MYBPC3: variants seen among roughly 807,000 people sequenced by gnomAD.
The protein encoded by MYBPC3 is myosin binding protein C3, also known as myosin-binding protein C, cardiac-type.
In MYBPC3, 108 loss-of-function variants were observed where a neutral mutation model predicts 159.3. The observed-to-expected ratio is 0.68, with a 90% CI of 0.58 to 0.80. The LOEUF (loss-of-function observed/expected upper bound fraction) is 0.80. Ranked by LOEUF, MYBPC3 falls within the 30% of genes least tolerant of loss-of-function variation. MYBPC3 has a pLI of 0.00. For synonymous variants in MYBPC3, 730 were observed against 702.0 expected (o/e 1.04, Z -0.63); for missense variants, 1,631 against 1,762.1 (o/e 0.93, Z 1.33).
Position 47,347,634 on chromosome 11 carries a change from G to A in MYBPC3, c.851+17C>T. 6.4e-7 allele frequency: 1 copy of A among 1,572,564 alleles called. No individual in the cohort carries two copies. The highest frequency in any genetic ancestry group is 8.6e-7 in the Non-Finnish European group (1 of 1,158,856). On this transcript the variant is annotated intron_variant, in intron 8 of 34. Coordinates refer to ENST00000545968, the MANE Select transcript of MYBPC3 (RefSeq NM_000256.3). The stretch of plus-strand genomic sequence containing the variant: ...GGGGTCTGCGGATGGTGCAGGTAGG[G>A]CCTGGGGCAGGGGTACCTGATCCGC...
At chr11:47,339,513 C>T in intron 21 of MYBPC3, 109 bp from the exon 22 acceptor site, 1 of 1,497,308 alleles carries the variant, frequency 6.7e-7, no homozygotes, top group Non-Finnish European at 9.1e-7. Flanking sequence ...CCTTGCCTGC[C>T]CCCTGACCAG....
In MYBPC3 at chr11:47,331,676, TCCCTCCAGG is replaced by T. The variant is rs1408142254; in HGVS notation, c.*58_*66del. On this transcript the variant is annotated 3_prime_UTR_variant, in exon 35 of 35. Transcript: ENST00000545968. The stretch of plus-strand genomic sequence containing the variant: ...ACAGTAGGGAGGGGTTTCCCCAACT[TCCCTCCAGG>T]CTCCTGGCACGGGGCTGGCATCCGG... 1.5e-6 allele frequency: 1 copy of T among 683,096 alleles called. No individual in the cohort carries two copies. The highest frequency in any genetic ancestry group is 2.4e-6 in the Non-Finnish European group (1 of 415,764). The allele number at this position is 683,096 out of a possible 1,614,324, so 42.3% of individuals were successfully genotyped here. A position where few individuals can be genotyped will look rare whatever the true frequency, so the allele number is the denominator to read the frequency against.
At position 47,347,997 on chromosome 11, in the gene MYBPC3, G is replaced by C. The variant is rs1361295040; in HGVS notation, c.773-92C>G. 9 of 1,250,012 alleles carry C rather than the reference G, an allele frequency of 7.2e-6. No individual in the cohort carries two copies. The Admixed American group carries it at 8.0e-5, about 11-fold the overall frequency. The allele number at this position is 1,250,012 out of a possible 1,614,324, so 77.4% of individuals were successfully genotyped here. On this transcript the variant is annotated intron_variant, in intron 6 of 34. Transcript: ENST00000545968. The stretch of plus-strand genomic sequence containing the variant: ...TGGGGGCGGCCTCTGAGTATTCACA[G>C]ACTTGCCCATTCATGACCCCATGAG...
Position 47,346,760 on chromosome 11 carries a change from C to T in MYBPC3, c.909-116G>A. 1.9e-5 allele frequency: 21 copies of T among 1,133,974 alleles called. No individual in the cohort carries two copies. The highest frequency in any genetic ancestry group is 2.5e-5 in the Non-Finnish European group (20 of 799,414). 70.2% of individuals were successfully genotyped at this position (1,133,974 alleles called of 1,614,324 possible). ...CTTTACTTCCTCCCTATTTTCCGCA[C>T]TTGCACTCCCTGTGTTGTGGGGCAC... On this transcript the variant is annotated intron_variant, in intron 10 of 34. Coordinates refer to ENST00000545968, the MANE Select transcript of MYBPC3 (RefSeq NM_000256.3). This position sits in a 1 kb window ranked among gnomAD's most constrained non-coding sequence, Gnocchi z 5.3.
rs2142859053 is a variant in MYBPC3 at position 47,341,002 on chromosome 11, C to A, written c.1927+1G>T. On this transcript the variant is annotated splice_donor_variant, in intron 20 of 34. Transcript: ENST00000545968. LOFTEE classifies it high-confidence loss of function. ...CAAGACTCAGGGGCCCCAAGACTTACCCTGCCTGGGTACGAAGTCAATCTT... is the reference window on the plus strand; with the variant it reads ...CAAGACTCAGGGGCCCCAAGACTTAACCTGCCTGGGTACGAAGTCAATCTT... The A allele has an allele frequency of 6.4e-7, 1 of 1,565,034 alleles. No individual in the cohort carries two copies. The highest frequency in any genetic ancestry group is 8.6e-7 in the Non-Finnish European group (1 of 1,156,104).
At position 47,346,942 on chromosome 11, in the gene MYBPC3, C is replaced by T; in HGVS notation, c.908+85G>A. On this transcript the variant is annotated intron_variant, in intron 10 of 34. Transcript: ENST00000545968. The surrounding 1 kb of genome is among the most constrained non-coding windows in gnomAD (Gnocchi z 5.3). ...CCGCACCCTGCTCTGAGTCTCTCAC[C>T]ACAGCCTCTCAGAGAGGGGACGGGA... The T allele has an allele frequency of 1.3e-6, 1 of 765,038 alleles. No individual in the cohort carries two copies. Among genetic ancestry groups the T allele is most frequent in the South Asian group, 1.4e-5 (1 of 73,882 alleles). The allele number at this position is 765,038 out of a possible 1,614,324, so 47.4% of individuals were successfully genotyped here.
chr11:47,342,290 G>T, intron 17 of MYBPC3, 134 bp from the exon 18 acceptor site: 1 of 1,168,250 alleles, frequency 8.6e-7, no homozygotes. Context: ...AAACACGTGT[G>T]CCTGTGTGTG....
In MYBPC3 at chr11:47,335,930, C is replaced by A. The variant is rs372628478; in HGVS notation, c.2684G>T (p.Arg895Leu). Residue 895 changes from arginine (R) to leucine (L), a missense_variant, in exon 26 of 35, where the codon CGC becomes CTC. Transcript: ENST00000545968. The part of the protein sequence containing the change: ...TVSLKWRPPE[R>L]VGAGGLDGYS... ...GCCATCCAGGCCTCCTGCTCCCACG[C>A]GCTCTGGGGGCCGCCACTTGAGGGA... 2.6e-6 allele frequency: 4 copies of A among 1,556,136 alleles called. No homozygotes were observed. Among genetic ancestry groups the A allele is most frequent in the African/African-American group, 2.7e-5 (2 of 72,892 alleles).
At chr11:47,331,999 G>A (rs1248463893) in intron 33 of MYBPC3, 73 bp downstream of exon 33, 5 of 1,594,788 alleles carry the variant, frequency 3.1e-6, no homozygotes, top group African/African-American at 1.3e-5. Context: ...CGAGGACAAC[G>A]GAGCAAAGCC....
rs984405840 is a variant in MYBPC3 at position 47,338,109 on chromosome 11, A to G, written c.2309-315T>C. Among the ~76,000 whole-genome samples, 1 of 149,248 alleles carries G rather than the reference A, an allele frequency of 6.7e-6. No homozygotes were observed. Among genetic ancestry groups the G allele is most frequent in the African/African-American group, 2.5e-5 (1 of 40,502 alleles). Reference sequence around the variant, plus strand: ...CCCTGTCCTGGCTCTGATCCTCCCAACCCCACCCAGTCCTCTCCTGACATG... The same window carrying G: ...CCCTGTCCTGGCTCTGATCCTCCCAGCCCCACCCAGTCCTCTCCTGACATG... On this transcript the variant is annotated intron_variant, in intron 23 of 34. Transcript: ENST00000545968. The surrounding 1 kb of genome is among the most constrained non-coding windows in gnomAD (Gnocchi z 4.7).
intron 26 of MYBPC3, chr11:47,335,499 G>T (rs1333948850): frequency 3.4e-6 from 1 of 292,900 alleles, no homozygotes. Context: ...GGCTAATTTT[G>T]TATTTTTAGT....
At chr11:47,333,398 C>A in intron 29 of MYBPC3, 65 bp from the exon 30 acceptor site, 1 of 1,501,438 alleles carries the variant, frequency 6.7e-7, no homozygotes, top group Non-Finnish European at 8.9e-7. Flanking sequence ...TCACTGGCTC[C>A]AGGGACCACC....
intron 28 of MYBPC3, 80 bp downstream of exon 28, chr11:47,333,842 C>T: frequency 6.5e-7 from 1 of 1,549,958 alleles, no homozygotes. Context: ...CAGGCCAGCC[C>T]TGAGACATCA....
At chr11:47,348,877 C>T (rs568556965) in intron 5 of MYBPC3, among the ~76,000 whole-genome samples, 1 of 72,980 alleles carries the variant, frequency 1.4e-5, no homozygotes, top group East Asian at 4.0e-4. Context: ...TGCACTCCAG[C>T]CTGAGCGACA....
rs746267533 is a variant in MYBPC3, at chr11:47,346,225, C to A, written c.1072G>T (p.Asp358Tyr). Residue 358 changes from aspartate (D) to tyrosine (Y), a missense_variant, in exon 12 of 35, where the codon GAT (aspartate) becomes TAT (tyrosine). Coordinates refer to ENST00000545968, the MANE Select transcript of MYBPC3 (RefSeq NM_000256.3). This position sits in a 1 kb window ranked among gnomAD's most constrained non-coding sequence, Gnocchi z 5.3. ...GGCTAACCTGTGCTCTTCTTCTCAT[C>A]GCGCCTCATGCCCTTGAGCCTCTTT... ...MLKRLKGMRR[D>Y]EKKSTAFQKK... is the part of the protein sequence containing the mutation. 1.9e-6 allele frequency: 3 copies of A among 1,613,802 alleles called. No individual in the cohort carries two copies. The highest frequency in any genetic ancestry group is 2.7e-5 in the African/African-American group (2 of 74,910).
In MYBPC3 at chr11:47,351,548, G is replaced by T. The variant is rs373642449; in HGVS notation, c.26-43C>A. 1.3e-6 allele frequency: 2 copies of T among 1,529,234 alleles called. No homozygotes were observed. Among genetic ancestry groups the T allele is most frequent in the Non-Finnish European group, 1.8e-6 (2 of 1,134,416 alleles). The allele number at this position is 1,529,234 out of a possible 1,614,324, so 94.7% of individuals were successfully genotyped here. A position where few individuals can be genotyped will look rare whatever the true frequency, so the allele number is the denominator to read the frequency against. ...GGCTACAGCGGCCCCTGGTTGGAGC[G>T]TGCACCCCGCCCCTGCAGCCCCTCT... On this transcript the variant is annotated intron_variant, in intron 1 of 34. Coordinates refer to ENST00000545968, the MANE Select transcript of MYBPC3 (RefSeq NM_000256.3). The surrounding 1 kb of genome is among the most constrained non-coding windows in gnomAD (Gnocchi z 4.2).
chr11:47,342,812 C>G lies in MYBPC3; in HGVS notation c.1457+18G>C. ...GCAGATGCCCCCAACACCCATGCCC[C>G]GTGCTTCTGGAACTCACCATTTGAC... On this transcript the variant is annotated intron_variant, in intron 16 of 34. Transcript: ENST00000545968. 1 of 1,612,278 alleles carries G rather than the reference C, an allele frequency of 6.2e-7. No homozygotes were observed. The highest frequency in any genetic ancestry group is 8.5e-7 in the Non-Finnish European group (1 of 1,178,846).
chr11:47,347,963 G>T, intron 6 of MYBPC3, 58 bp from the exon 7 acceptor site: 1 of 1,498,988 alleles, frequency 6.7e-7, no homozygotes, highest in Non-Finnish European at 9.1e-7. Context: ...CGTTTGAGAA[G>T]CCCTGCCCTG....
chr11:47,343,392 G>A, intron 13 of MYBPC3, 100 bp downstream of exon 13: 3 of 1,489,562 alleles, frequency 2.0e-6, no homozygotes, highest in Non-Finnish European at 2.7e-6. Flanking sequence ...GGGGCTGAGA[G>A]CCACACCGAG....
Sources: gnomAD v4.1 joint callset for allele counts (sites outside exome capture counted in the v4.1 genomes callset) on GRCh38, gnomAD v4.1.1 for gene constraint, Gnocchi (gnomAD v3.1) non-coding constraint, MANE v1.5 for transcripts, NCBI Gene and HGNC (gene_info 2026-07-23, HGNC 2026-07-21) for gene names.